Variants in SRPK2 observed in about 807,000 individuals in gnomAD.
The protein encoded by SRPK2 is SRSF protein kinase 2, also known as SFRS protein kinase 2.
SRPK2 carries 21 observed loss-of-function variants against 90.8 expected under a neutral mutation model. The observed-to-expected ratio is 0.23, with a 90% CI of 0.16 to 0.33. The LOEUF is 0.33. Ranked by LOEUF, SRPK2 falls within the 10% of genes least tolerant of loss-of-function variation. The pLI, the probability that SRPK2 is intolerant of heterozygous loss-of-function variation, is 1.00. For missense variants in SRPK2, 620 were observed against 869.0 expected (o/e 0.71, Z 3.60); for synonymous variants, 288 against 311.1 (o/e 0.93, Z 0.78).
At chr7:105,203,545 C>T (rs534005532) in intron 3 of SRPK2, 83 bp downstream of exon 3, 63 of 1,363,654 alleles carry the variant, frequency 4.6e-5, no homozygotes, top group Non-Finnish European at 4.6e-5. Flanking sequence ...TCACTACCTC[C>T]TCCCCTTGTC....
intron 2 of SRPK2, 79 bp downstream of exon 2, chr7:105,388,569 A>C: frequency 7.6e-7 from 1 of 1,315,888 alleles, no homozygotes; most frequent in South Asian, 1.4e-5. Flanking sequence ...GGGGACCCGG[A>C]CAACTTTCCC....
At chr7:105,293,732 T>C (rs1809399174) in intron 2 of SRPK2, among the ~76,000 whole-genome samples, 2 of 152,148 alleles carry the variant, frequency 1.3e-5, no homozygotes, top group South Asian at 4.1e-4. Context: ...ATTTCCATTT[T>C]AGAGGTAAGA....
intron 2 of SRPK2, chr7:105,306,484 CAA>C: frequency 1.0e-5 from 4 of 395,886 alleles, no homozygotes; most frequent in South Asian, 5.6e-5. Context: ...TTGAACCAGG[CAA>C]AAAAAAAACC....
At chr7:105,387,847 C>T (rs1821801801) in intron 2 of SRPK2, among the ~76,000 whole-genome samples, 1 of 152,210 alleles carries the variant, frequency 6.6e-6, no homozygotes, top group South Asian at 2.1e-4. Context: ...GAGCAGCTCT[C>T]CAGGAAAGGG....
chr7:105,324,624 T>A (rs1386939745), intron 2 of SRPK2, among the ~76,000 whole-genome samples: 1 of 152,226 alleles, frequency 6.6e-6, no homozygotes, highest in Non-Finnish European at 1.5e-5. Flanking sequence ...TGTCAATATC[T>A]GCTACCATCC....
At chr7:105,297,610 CG>C in intron 2 of SRPK2, 1 of 462,418 alleles carries the variant, frequency 2.2e-6, no homozygotes, top group Non-Finnish European at 2.8e-6. Flanking sequence ...AAAGGTCTTC[CG>C]AGATTATCAC....
intron 2 of SRPK2, among the ~76,000 whole-genome samples, chr7:105,298,183 C>T (rs1054278162): frequency 6.6e-6 from 1 of 152,226 alleles, no homozygotes; most frequent in African/African-American, 2.4e-5. Flanking sequence ...ACAACCAACT[C>T]CTCTCCCACC....
chr7:105,224,747 A>G (rs907314328), intron 2 of SRPK2, among the ~76,000 whole-genome samples: 4 of 152,084 alleles, frequency 2.6e-5, no homozygotes, highest in South Asian at 2.1e-4. Context: ...TCTAAATTAA[A>G]CTCCAAACTG....
At chr7:105,171,266 G>T (rs1217624581) in intron 3 of SRPK2, among the ~76,000 whole-genome samples, 1 of 152,156 alleles carries the variant, frequency 6.6e-6, no homozygotes, top group East Asian at 1.9e-4. Context: ...CACTTTTTGT[G>T]AAATACGGAG....
At chr7:105,253,437 G>A (rs1003749403) in intron 2 of SRPK2, among the ~76,000 whole-genome samples, 1 of 152,106 alleles carries the variant, frequency 6.6e-6, no homozygotes, top group Non-Finnish European at 1.5e-5. Flanking sequence ...AATGGCTCTT[G>A]GTAAACATCA....
At chr7:105,136,036 A>G (rs1802754859) in intron 11 of SRPK2, among the ~76,000 whole-genome samples, 1 of 152,130 alleles carries the variant, frequency 6.6e-6, no homozygotes, top group Admixed American at 6.5e-5. Flanking sequence ...AAGTGCCGGG[A>G]TTACAGGCAT....
chr7:105,211,341 C>T (rs921830889), intron 2 of SRPK2, among the ~76,000 whole-genome samples: 3 of 151,838 alleles, frequency 2.0e-5, no homozygotes, highest in African/African-American at 7.3e-5. Flanking sequence ...GTATCTTATT[C>T]CCTGAATGAG....
In SRPK2 at chr7:105,230,340, G is replaced by A. The variant is rs1024234316; in HGVS notation, c.72-26555C>T. 5.3e-5 allele frequency among the ~76,000 whole-genome samples: 8 copies of A among 152,168 alleles called. No homozygotes were observed. The East Asian group carries it at 1.5e-3, about 29-fold the overall frequency. On this transcript the variant is annotated intron_variant, in intron 2 of 15. Transcript: ENST00000393651. ...GCATTCCACCAGCTGGGCAGCAGCA[G>A]GGCATACGTCCAATATAATGAATGT...
intron 2 of SRPK2, among the ~76,000 whole-genome samples, chr7:105,352,224 G>A (rs1286801335): frequency 6.6e-6 from 1 of 152,190 alleles, no homozygotes; most frequent in African/African-American, 2.4e-5. Context: ...TCAAAGGGCA[G>A]AACCTGAACT....
chr7:105,330,233 A>C (rs1281404037), intron 2 of SRPK2, among the ~76,000 whole-genome samples: 2 of 151,810 alleles, frequency 1.3e-5, no homozygotes, highest in Non-Finnish European at 2.9e-5. Context: ...CCAGCTACTC[A>C]GGAGGCTGAG....
chr7:105,185,477 T>C (rs1585097373), intron 3 of SRPK2, among the ~76,000 whole-genome samples: 2 of 152,168 alleles, frequency 1.3e-5, no homozygotes, highest in African/African-American at 4.8e-5. Flanking sequence ...AGGGTATATA[T>C]TATAGCACAT....
chr7:105,237,893 A>G (rs372473766), intron 2 of SRPK2, among the ~76,000 whole-genome samples: 9 of 152,316 alleles, frequency 5.9e-5, no homozygotes, highest in Admixed American at 3.9e-4. Flanking sequence ...AAAACATTTA[A>G]ATGTTTATAA....
intron 11 of SRPK2, among the ~76,000 whole-genome samples, chr7:105,134,900 A>G (rs769491221): frequency 4.6e-5 from 7 of 152,234 alleles, no homozygotes; most frequent in Non-Finnish European, 7.3e-5. Context: ...CTTCTTTATA[A>G]GGATTCTGCA....
At chr7:105,137,730 G>C (rs1014200996) in intron 11 of SRPK2, among the ~76,000 whole-genome samples, 1 of 152,102 alleles carries the variant, frequency 6.6e-6, no homozygotes, top group Non-Finnish European at 1.5e-5. Context: ...ACCTTCTTTA[G>C]CCTGGCATTT....
Sources: allele counts gnomAD v4.1 joint callset (sites outside exome capture counted in the v4.1 genomes callset), GRCh38; gene constraint gnomAD v4.1.1; transcripts MANE v1.5; gene names NCBI Gene and HGNC (gene_info 2026-07-23, HGNC 2026-07-21).